Variants in SNX13 observed in about 807,000 individuals in gnomAD.
SNX13 encodes the protein sorting nexin 13.
A neutral mutation model predicts 133.6 loss-of-function variants in SNX13; 45 were observed. The observed-to-expected ratio is 0.34, with a 90% CI of 0.27 to 0.43. The LOEUF (loss-of-function observed/expected upper bound fraction) is 0.43, where lower values mean the gene tolerates loss of function less well. Ranked by LOEUF, SNX13 falls within the 20% of genes least tolerant of loss-of-function variation. The probability of loss-of-function intolerance (pLI) is 1.00; values close to 1 mark genes in which losing one functional copy is unlikely to be tolerated. For synonymous variants in SNX13, 414 were observed against 373.9 expected, an observed-to-expected ratio of 1.11 and a Z score of -1.24; for missense variants, 1,032 against 1,145.1, an observed-to-expected ratio of 0.90 and a Z score of 1.43.
At chr7:17,801,099 T>A (rs1226999979) in intron 22 of SNX13, among the ~76,000 whole-genome samples, 1 of 143,734 alleles carries the variant, frequency 7.0e-6, no homozygotes, top group East Asian at 2.0e-4. Flanking sequence ...ATAGATCCAA[T>A]AGAAACATGT....
At position 17,794,865 on chromosome 7, in the gene SNX13, AC is replaced by A. The variant is rs1783882370; in HGVS notation, c.2627-574del. ...ATCTACAAAAACCCCTGGCATAGTA[AC>A]TATACCATAAAAATGCTAAAAGTAT... On this transcript the variant is annotated intron_variant, in intron 25 of 25. Transcript: ENST00000428135. 4 of 151,746 alleles carry A rather than the reference AC, an allele frequency of 2.6e-5. No individual in the cohort carries two copies. The South Asian group carries it at 8.3e-4, about 31-fold the overall frequency. The allele number at this position is 151,746 out of a possible 1,614,324, so 9.4% of individuals were successfully genotyped here. A position where few individuals can be genotyped will look rare whatever the true frequency, so the allele number is the denominator to read the frequency against.
At chr7:17,885,056 A>G (rs768174076) in intron 5 of SNX13, among the ~76,000 whole-genome samples, 2 of 152,242 alleles carry the variant, frequency 1.3e-5, no homozygotes, top group Non-Finnish European at 2.9e-5. Flanking sequence ...GAATACTCAT[A>G]GTAGCATTAT....
chr7:17,894,436 C>T (rs771527014), intron 2 of SNX13, among the ~76,000 whole-genome samples: 3 of 151,802 alleles, frequency 2.0e-5, no homozygotes, highest in Middle Eastern at 3.4e-3. Context: ...TGAGGTATTA[C>T]ATTATTATAA....
chr7:17,852,556 G>C (rs748053760), intron 9 of SNX13, among the ~76,000 whole-genome samples: 4 of 152,296 alleles, frequency 2.6e-5, no homozygotes, highest in Non-Finnish European at 5.9e-5. Context: ...AGAAAGAGCA[G>C]AGAGAAAATG....
At chr7:17,923,329 G>A (rs1800342119) in intron 1 of SNX13, among the ~76,000 whole-genome samples, 1 of 152,108 alleles carries the variant, frequency 6.6e-6, no homozygotes, top group Non-Finnish European at 1.5e-5. Context: ...AAATGAATAT[G>A]TATTTATATA....
At position 17,875,726 on chromosome 7, in the gene SNX13, A is replaced by T. The variant is rs147065820; in HGVS notation, c.505T>A (p.Leu169Ile). 6.2e-7 allele frequency: 1 copy of T among 1,612,834 alleles called. No individual in the cohort carries two copies. Among genetic ancestry groups the T allele is most frequent in the Admixed American group, 1.7e-5 (1 of 59,886 alleles). ...TGTTGAGCCTTTCTGAATACTCGTA[A>T]GTGTGTGCCAAAGTCATCTACAATG... Reference protein sequence around the residue: ...TRIVDDFGTHLRVFRKAQQKI... With the variant: ...TRIVDDFGTHIRVFRKAQQKI... The change falls in exon 6 of 26, where the codon TTA becomes ATA. Residue 169 changes from leucine to isoleucine, a missense_variant. Leu to Ile is a conservative substitution (Grantham distance 5). Coordinates refer to ENST00000428135, the MANE Select transcript of SNX13 (RefSeq NM_015132.5).
chr7:17,805,248 T>TGCGCGC (rs1401213640), intron 20 of SNX13, among the ~76,000 whole-genome samples: 20 of 89,320 alleles, frequency 2.2e-4, no homozygotes, highest in African/African-American at 5.6e-4. Flanking sequence ...TGTGTGTGTG[T>TGCGCGC]GTGCGTGCGC....
At chr7:17,803,880 TAAAAAAAAA>T (rs757897385) in intron 20 of SNX13, among the ~76,000 whole-genome samples, 1 of 77,738 alleles carries the variant, frequency 1.3e-5, no homozygotes, top group Non-Finnish European at 2.6e-5. Context: ...ACCCCATCTC[TAAAAAAAAA>T]AAAAAAAAAA....
At chr7:17,803,678 T>G in intron 20 of SNX13, 98 bp from the exon 21 acceptor site, 2 of 1,059,562 alleles carry the variant, frequency 1.9e-6, no homozygotes, top group South Asian at 3.6e-5. Flanking sequence ...ACTGGAAAGA[T>G]GCAGTAATTT....
chr7:17,869,017 T>C (rs1305747154), intron 8 of SNX13, among the ~76,000 whole-genome samples: 1 of 152,116 alleles, frequency 6.6e-6, no homozygotes. Flanking sequence ...ATTTTTAAAA[T>C]AATAGATATG....
rs2128302746 is a variant in SNX13 at position 17,821,653 on chromosome 7, C to T, written c.1706-5G>A. 1.9e-6 allele frequency: 3 copies of T among 1,612,840 alleles called. No homozygotes were observed. The highest frequency in any genetic ancestry group is 2.2e-5 in the South Asian group (2 of 90,960). On this transcript the variant is annotated splice_polypyrimidine_tract_variant and splice_region_variant and intron_variant, in intron 17 of 25. Coordinates refer to ENST00000428135, the MANE Select transcript of SNX13 (RefSeq NM_015132.5). ...TGCCATGATCATTACAAACGCCTGC[C>T]ACAGCATATGGGTCATAGTCAGCAT...
At chr7:17,910,998 TA>T (rs1303824374) in intron 1 of SNX13, among the ~76,000 whole-genome samples, 1 of 152,194 alleles carries the variant, frequency 6.6e-6, no homozygotes, top group Non-Finnish European at 1.5e-5. Flanking sequence ...ATGAACTCAA[TA>T]CCAATGAATC....
intron 1 of SNX13, among the ~76,000 whole-genome samples, chr7:17,917,601 G>A (rs1356606110): frequency 2.0e-5 from 3 of 149,986 alleles, no homozygotes; most frequent in South Asian, 2.1e-4. Context: ...GGAAGTGAAC[G>A]ACCTCTACAA....
intron 9 of SNX13, 109 bp downstream of exon 9, chr7:17,868,298 T>C (rs1436905612): frequency 5.1e-6 from 4 of 781,548 alleles, no homozygotes; most frequent in Non-Finnish European, 8.2e-6. Flanking sequence ...GAAACATTTT[T>C]ACTTAATTTC....
chr7:17,887,670 G>A (rs1388123207), intron 5 of SNX13, among the ~76,000 whole-genome samples: 3 of 152,036 alleles, frequency 2.0e-5, no homozygotes, highest in African/African-American at 7.2e-5. Flanking sequence ...CAACAGCTTC[G>A]GACTCAAAAC....
At chr7:17,888,880 G>C (rs1796306502) in intron 5 of SNX13, 2 of 338,286 alleles carry the variant, frequency 5.9e-6, no homozygotes, top group Non-Finnish European at 1.2e-5. Context: ...CTTGCTCACA[G>C]TCCCATAGCT....
intron 1 of SNX13, among the ~76,000 whole-genome samples, chr7:17,918,903 C>T (rs566237733): frequency 6.6e-6 from 1 of 152,234 alleles, no homozygotes; most frequent in South Asian, 2.1e-4. Flanking sequence ...ACATATACTA[C>T]GCAGCCACAA....
In SNX13 at chr7:17,826,129, T is replaced by G. The variant is rs369448398; in HGVS notation, c.1636-38A>C. 656 of 1,362,902 alleles carry G rather than the reference T, an allele frequency of 4.8e-4. 1 individual carries two copies. Among genetic ancestry groups the G allele is most frequent in the Non-Finnish European group, 3.9e-4 (389 of 994,338 alleles). 84.4% of individuals were successfully genotyped at this position (1,362,902 alleles called of 1,614,324 possible). On this transcript the variant is annotated intron_variant, in intron 16 of 25. Transcript: ENST00000428135. ...AATCAGGAAACAAATTTTTAAAATT[T>G]TATAGGGAAAAAAAAGAGTAAAGAA...
At chr7:17,886,585 G>A (rs1473171745) in intron 5 of SNX13, among the ~76,000 whole-genome samples, 4 of 150,364 alleles carry the variant, frequency 2.7e-5, no homozygotes, top group Non-Finnish European at 3.0e-5. Flanking sequence ...GTGAGACTCC[G>A]TCTCAAAAAA....
Sources: gnomAD v4.1 joint callset for allele counts (sites outside exome capture counted in the v4.1 genomes callset) on GRCh38, gnomAD v4.1.1 for gene constraint, MANE v1.5 for transcripts, NCBI Gene and HGNC (gene_info 2026-07-23, HGNC 2026-07-21) for gene names.